The following ADAM9 variants were observed in gnomAD, a reference collection of about 807,000 sequenced individuals.
ADAM9 encodes disintegrin and metalloproteinase domain-containing protein 9.
Under a neutral mutation model 108.1 loss-of-function variants are expected in ADAM9, and 54 were observed. That is an observed-to-expected ratio of 0.50 (90% confidence interval 0.40 to 0.63). The LOEUF is 0.63. Among genes scored for constraint, ADAM9 ranks in the 20% least tolerant of loss-of-function variants. The pLI, the probability that ADAM9 is intolerant of heterozygous loss-of-function variation, is 0.00. For synonymous variants in ADAM9, 316 were observed against 336.0 expected, an observed-to-expected ratio of 0.94 and a Z score of 0.65; for missense variants, 830 against 997.7, an observed-to-expected ratio of 0.83 and a Z score of 2.26.
In ADAM9 at chr8:39,008,002, G is replaced by T. The variant is rs757363143; in HGVS notation, c.195+19G>T. Reference sequence around the variant, plus strand: ...AAAACAAGTAAGTTATAATTGTTGAGAAATAATATGTGGTTAATTTTTTTC... The same window carrying T: ...AAAACAAGTAAGTTATAATTGTTGATAAATAATATGTGGTTAATTTTTTTC... On this transcript the variant is annotated intron_variant, in intron 2 of 21. Coordinates refer to ENST00000487273, the MANE Select transcript of ADAM9 (RefSeq NM_003816.3). 2.6e-6 allele frequency: 4 copies of T among 1,534,380 alleles called. No homozygotes were observed. The East Asian group carries it at 6.8e-5, about 26-fold the overall frequency.
intron 15 of ADAM9, among the ~76,000 whole-genome samples, chr8:39,071,848 G>A (rs1165190832): frequency 3.3e-5 from 5 of 152,130 alleles, no homozygotes; most frequent in Non-Finnish European, 7.3e-5. Flanking sequence ...ATTTTACAAT[G>A]CAAAGCTTCA....
rs797009853 is a variant in ADAM9, at chr8:39,003,674, G to A, written c.98-4212G>A. 2.3e-4 allele frequency among the ~76,000 whole-genome samples: 35 copies of A among 152,234 alleles called. 1 individual carries two copies. The highest frequency in any genetic ancestry group is 8.4e-4 in the African/African-American group (35 of 41,552). On this transcript the variant is annotated intron_variant, in intron 1 of 21. Coordinates refer to ENST00000487273, the MANE Select transcript of ADAM9 (RefSeq NM_003816.3). ...CCCCAGTATGTGCATTTGTTATGAT[G>A]TTTTGGAACTTTTTATGGCATGGCT...
intron 20 of ADAM9, among the ~76,000 whole-genome samples, chr8:39,093,646 G>A (rs748990204): frequency 6.6e-6 from 1 of 152,106 alleles, no homozygotes; most frequent in South Asian, 2.1e-4. Context: ...TGGTAGGAGT[G>A]GACATCCTTG....
At chr8:39,100,447 C>T (rs952811508) in intron 20 of ADAM9, among the ~76,000 whole-genome samples, 1 of 150,514 alleles carries the variant, frequency 6.6e-6, no homozygotes, top group Non-Finnish European at 1.5e-5. Context: ...GAGCTGAGAT[C>T]GCGCCACTGC....
chr8:39,007,269 C>A (rs1588323360), intron 1 of ADAM9, among the ~76,000 whole-genome samples: 1 of 152,148 alleles, frequency 6.6e-6, no homozygotes, highest in East Asian at 1.9e-4. Context: ...CTACCCTGGC[C>A]CCTCAGGGAT....
chr8:39,023,125 A>G (rs368758809), intron 8 of ADAM9, 31 bp from the exon 9 acceptor site: 1 of 1,576,608 alleles, frequency 6.3e-7, no homozygotes, highest in Non-Finnish European at 8.7e-7. Context: ...TCTTTACTAT[A>G]TTTTATATAC....
chr8:39,021,755 T>C (rs1836748411), intron 8 of ADAM9, 41 bp downstream of exon 8: 3 of 1,544,994 alleles, frequency 1.9e-6, no homozygotes. Context: ...TTCTGTCCTA[T>C]TCTTTCAGTC....
At chr8:39,022,128 GTGTT>G (rs1432435780) in intron 8 of ADAM9, among the ~76,000 whole-genome samples, 1 of 151,632 alleles carries the variant, frequency 6.6e-6, no homozygotes, top group Non-Finnish European at 1.5e-5. Context: ...GAGAAAGAGA[GTGTT>G]TGGTTTGAGA....
chr8:39,045,061 CATACATACATAT>C (rs1837602434), intron 12 of ADAM9, among the ~76,000 whole-genome samples: 2 of 18,122 alleles, frequency 1.1e-4, no homozygotes, highest in African/African-American at 6.2e-4. Flanking sequence ...TGTGTGTGTG[CATACATACATAT>C]GTGTGTGTGC....
chr8:39,058,781 G>A (rs1838205156), intron 14 of ADAM9, among the ~76,000 whole-genome samples: 1 of 152,162 alleles, frequency 6.6e-6, no homozygotes, highest in South Asian at 2.1e-4. Flanking sequence ...TAGAGCATAA[G>A]GTCGTGGGAA....
intron 12 of ADAM9, among the ~76,000 whole-genome samples, chr8:39,052,674 T>C (rs577060862): frequency 6.6e-6 from 1 of 152,306 alleles, no homozygotes; most frequent in South Asian, 2.1e-4. Context: ...GATCAGTTGT[T>C]GTGGAACCAT....
At position 39,055,690 on chromosome 8, in the gene ADAM9, T is replaced by C; in HGVS notation, c.1509T>C (p.Tyr503=). Reference sequence around the variant, plus strand: ...CAGATGTTTTTATTCAGAATGGATATCCTTGCCAGAATAACAAAGCCTATT... The same window carrying C: ...CAGATGTTTTTATTCAGAATGGATACCCTTGCCAGAATAACAAAGCCTATT... ...CQPDVFIQNG[Y]PCQNNKAYCY... The change falls in exon 14 of 22, where the codon TAT becomes TAC. Residue 503 remains tyrosine (Y), a synonymous_variant. Coordinates refer to ENST00000487273, the MANE Select transcript of ADAM9 (RefSeq NM_003816.3). 1 of 1,613,776 alleles carries C rather than the reference T, an allele frequency of 6.2e-7. No individual in the cohort carries two copies. The highest frequency in any genetic ancestry group is 8.5e-7 in the Non-Finnish European group (1 of 1,179,760).
intron 18 of ADAM9, among the ~76,000 whole-genome samples, chr8:39,084,296 T>G (rs1326102818): frequency 6.6e-6 from 1 of 152,000 alleles, no homozygotes; most frequent in Non-Finnish European, 1.5e-5. Flanking sequence ...TTTCATTTGT[T>G]CTTTTTCTAG....
Position 39,090,192 on chromosome 8 carries a change from C to G in ADAM9, c.2210+4C>G, listed in dbSNP as rs1217756827. On this transcript the variant is annotated splice_donor_region_variant and intron_variant, in intron 19 of 21. Coordinates refer to ENST00000487273, the MANE Select transcript of ADAM9 (RefSeq NM_003816.3). ...AGAAGAGATCACAAACATATGAGTA[C>G]TTAGATTTTTTTCTTTTAATTCCTA... is the stretch of plus-strand genomic sequence containing the variant. 1 of 1,610,760 alleles carries G rather than the reference C, an allele frequency of 6.2e-7. No individual in the cohort carries two copies. The highest frequency in any genetic ancestry group is 8.5e-7 in the Non-Finnish European group (1 of 1,178,388).
At chr8:39,057,513 C>T (rs1490033069) in intron 14 of ADAM9, among the ~76,000 whole-genome samples, 1 of 152,024 alleles carries the variant, frequency 6.6e-6, no homozygotes, top group East Asian at 1.9e-4. Context: ...GTGGAAGCTG[C>T]TAAGTGTCAG....
chr8:39,036,474 T>A (rs1413181179), intron 11 of ADAM9, among the ~76,000 whole-genome samples: 1 of 147,822 alleles, frequency 6.8e-6, no homozygotes, highest in African/African-American at 2.5e-5. Flanking sequence ...ATAGTTGAAA[T>A]TTTTTTTTTT....
At chr8:39,068,352 C>T (rs1417491028) in intron 14 of ADAM9, among the ~76,000 whole-genome samples, 1 of 151,800 alleles carries the variant, frequency 6.6e-6, no homozygotes, top group African/African-American at 2.4e-5. Context: ...CTTGTGAAGA[C>T]CTTATCTATC....
intron 4 of ADAM9, chr8:39,014,319 GAT>G (rs1470192884): frequency 9.2e-6 from 5 of 545,652 alleles, no homozygotes; most frequent in Non-Finnish European, 1.6e-5. Context: ...GAGAAAATTT[GAT>G]ATGTTTTGAA....
intron 12 of ADAM9, among the ~76,000 whole-genome samples, chr8:39,052,152 C>T (rs957924170): frequency 6.6e-5 from 10 of 152,034 alleles, no homozygotes; most frequent in Non-Finnish European, 1.0e-4. Flanking sequence ...CATAGTCTTA[C>T]CAGCACAGGA....
Sources: gnomAD v4.1 joint callset for allele counts (sites outside exome capture counted in the v4.1 genomes callset) on GRCh38, gnomAD v4.1.1 for gene constraint, MANE v1.5 for transcripts, NCBI Gene and HGNC (gene_info 2026-07-23, HGNC 2026-07-21) for gene names.